The following CNTNAP2 variants were observed in gnomAD, a reference collection of about 807,000 sequenced individuals.
CNTNAP2 encodes the protein contactin-associated protein-like 2.
Under a neutral mutation model 155.2 loss-of-function variants are expected in CNTNAP2, and 98 were observed. The ratio of observed to expected loss-of-function variants is 0.63; its 90% CI spans 0.54 to 0.75. The LOEUF is 0.75. Ranked by LOEUF, CNTNAP2 falls within the 30% of genes least tolerant of loss-of-function variation. The probability of loss-of-function intolerance (pLI) is 0.00; values close to 1 mark genes in which losing one functional copy is unlikely to be tolerated. For missense variants in CNTNAP2, 1,727 were observed against 1,688.1 expected (o/e 1.02, Z -0.40); for synonymous variants, 651 against 631.2 (o/e 1.03, Z -0.47).
chr7:147,707,132 T>C (rs1796327957), intron 13 of CNTNAP2, among the ~76,000 whole-genome samples: 1 of 152,058 alleles, frequency 6.6e-6, no homozygotes, highest in Non-Finnish European at 1.5e-5. Context: ...AAACTTACTT[T>C]TGATTAGAAT....
intron 1 of CNTNAP2, among the ~76,000 whole-genome samples, chr7:146,421,897 T>TA (rs1018836007): frequency 1.3e-5 from 2 of 151,542 alleles, no homozygotes; most frequent in African/African-American, 4.8e-5. Flanking sequence ...ATAGACAGAT[T>TA]TTTTTTACAC....
At chr7:147,780,956 C>T (rs1371683405) in intron 13 of CNTNAP2, among the ~76,000 whole-genome samples, 1 of 152,112 alleles carries the variant, frequency 6.6e-6, no homozygotes, top group Non-Finnish European at 1.5e-5. Flanking sequence ...AGACAGGTTC[C>T]TCTGAATAGA....
intron 13 of CNTNAP2, among the ~76,000 whole-genome samples, chr7:147,703,270 C>T (rs960238647): frequency 5.9e-5 from 9 of 152,268 alleles, no homozygotes; most frequent in African/African-American, 2.2e-4. Flanking sequence ...CCTACTAGTT[C>T]TCACACACTG....
intron 2 of CNTNAP2, among the ~76,000 whole-genome samples, chr7:146,820,129 A>G (rs955430203): frequency 2.0e-5 from 3 of 152,164 alleles, no homozygotes; most frequent in African/African-American, 7.2e-5. Flanking sequence ...GAATTAAAAG[A>G]ACATGTACAG....
intron 20 of CNTNAP2, among the ~76,000 whole-genome samples, chr7:148,250,272 G>T (rs1002863906): frequency 2.6e-5 from 4 of 152,110 alleles, no homozygotes; most frequent in Non-Finnish European, 5.9e-5. Flanking sequence ...TTTACACCAG[G>T]CCTCTTATTG....
At chr7:147,093,106 T>C (rs895288194) in intron 4 of CNTNAP2, among the ~76,000 whole-genome samples, 11 of 150,744 alleles carry the variant, frequency 7.3e-5, no homozygotes, top group African/African-American at 2.4e-4. Flanking sequence ...CCGGGCGTGG[T>C]GGCGGATGCC....
intron 21 of CNTNAP2, among the ~76,000 whole-genome samples, chr7:148,344,375 G>A (rs1798285437): frequency 1.3e-5 from 2 of 152,140 alleles, no homozygotes; most frequent in Non-Finnish European, 2.9e-5. Context: ...GGTACACTGT[G>A]TGCTCCCCCA....
chr7:147,155,804 C>T (rs1801913712), intron 8 of CNTNAP2, among the ~76,000 whole-genome samples: 1 of 151,806 alleles, frequency 6.6e-6, no homozygotes, highest in Non-Finnish European at 1.5e-5. Flanking sequence ...GGAAAGGTGC[C>T]CCTGAGAAGT....
intron 13 of CNTNAP2, among the ~76,000 whole-genome samples, chr7:147,694,003 G>A (rs923627735): frequency 2.0e-5 from 3 of 151,922 alleles, no homozygotes; most frequent in Non-Finnish European, 4.4e-5. Context: ...TATCAAGTAG[G>A]AAGCTCCCCT....
chr7:147,757,038 G>A (rs1018809179), intron 13 of CNTNAP2, among the ~76,000 whole-genome samples: 1 of 152,118 alleles, frequency 6.6e-6, no homozygotes, highest in Non-Finnish European at 1.5e-5. Flanking sequence ...CTGAAAAAAT[G>A]CAAATGTTAA....
At chr7:147,452,572 G>T (rs1244675106) in intron 10 of CNTNAP2, among the ~76,000 whole-genome samples, 1 of 152,028 alleles carries the variant, frequency 6.6e-6, no homozygotes, top group Non-Finnish European at 1.5e-5. Flanking sequence ...GTAATAAGGA[G>T]AAAATATTTT....
intron 1 of CNTNAP2, among the ~76,000 whole-genome samples, chr7:146,605,711 G>C (rs1799035324): frequency 6.6e-6 from 1 of 152,116 alleles, no homozygotes. Context: ...AATGAAGTGT[G>C]GTAGATGTAA....
chr7:147,225,894 GGAAGGAAGGAAAGAAGGAAGGAAGGAAA>G (rs1803526126), intron 8 of CNTNAP2, among the ~76,000 whole-genome samples: 1 of 116,626 alleles, frequency 8.6e-6, no homozygotes, highest in Non-Finnish European at 1.9e-5. Context: ...AAGGAAGGAA[GGAAGGAAGGAAAGAAGGAAGGAAGGAAA>G]GAAGGAAGGA....
At chr7:147,746,982 A>T (rs1002742147) in intron 13 of CNTNAP2, among the ~76,000 whole-genome samples, 1 of 152,178 alleles carries the variant, frequency 6.6e-6, no homozygotes, top group African/African-American at 2.4e-5. Context: ...TGAGATATAA[A>T]GGTATGCAAG....
At chr7:147,722,298 A>G (rs1796577391) in intron 13 of CNTNAP2, among the ~76,000 whole-genome samples, 1 of 152,176 alleles carries the variant, frequency 6.6e-6, no homozygotes, top group African/African-American at 2.4e-5. Flanking sequence ...TAACCACAAT[A>G]TGCTCTTTCA....
chr7:146,243,916 C>T (rs533031430), intron 1 of CNTNAP2, among the ~76,000 whole-genome samples: 47 of 152,034 alleles, frequency 3.1e-4, no homozygotes, highest in Non-Finnish European at 5.1e-4. Context: ...AGATAATGGG[C>T]GATGTTTCTC....
intron 15 of CNTNAP2, among the ~76,000 whole-genome samples, chr7:148,029,327 G>A (rs1214571048): frequency 2.6e-5 from 4 of 152,168 alleles, no homozygotes; most frequent in Non-Finnish European, 2.9e-5. Context: ...AGTCTTAGAG[G>A]CATTATGTGG....
intron 3 of CNTNAP2, chr7:146,963,203 A>G (rs1797588511): frequency 6.6e-6 from 1 of 152,224 alleles, no homozygotes; most frequent in South Asian, 2.1e-4. Flanking sequence ...AAAATGATCG[A>G]CAAAAGTTGA....
chr7:147,064,429 T>G (rs867409672), intron 4 of CNTNAP2, among the ~76,000 whole-genome samples: 1 of 152,186 alleles, frequency 6.6e-6, no homozygotes, highest in African/African-American at 2.4e-5. Flanking sequence ...GTGAGATACT[T>G]GATGAAAGGG....
Sources: allele counts gnomAD v4.1 joint callset (sites outside exome capture counted in the v4.1 genomes callset), GRCh38; gene constraint gnomAD v4.1.1; transcripts MANE v1.5; gene names NCBI Gene and HGNC (gene_info 2026-07-23, HGNC 2026-07-21).